Variants in TRAPPC9 observed in about 807,000 individuals in gnomAD.
TRAPPC9 encodes trafficking protein particle complex subunit 9.
TRAPPC9 carries 83 observed loss-of-function variants against 124.0 expected under a neutral mutation model. That is an observed-to-expected ratio of 0.67 (90% CI 0.56 to 0.80). TRAPPC9 has a LOEUF of 0.80. Ranked by LOEUF, TRAPPC9 falls within the 30% of genes least tolerant of loss-of-function variation. The pLI, the probability that TRAPPC9 is intolerant of heterozygous loss-of-function variation, is 0.00. For synonymous variants in TRAPPC9, 638 were observed against 617.5 expected, an observed-to-expected ratio of 1.03 and a Z score of -0.49; for missense variants, 1,302 against 1,508.3, an observed-to-expected ratio of 0.86 and a Z score of 2.27.
chr8:139,932,300 C>T lies in TRAPPC9; in HGVS notation c.2811-22000G>A, dbSNP rs569445291. 2.1e-3 allele frequency: 984 copies of T among 457,712 alleles called. 10 individuals carry two copies. The highest frequency in any genetic ancestry group is 0.015 in the South Asian group (960 of 64,554). The allele number at this position is 457,712 out of a possible 1,614,324, so 28.4% of individuals were successfully genotyped here. A position where few individuals can be genotyped will look rare whatever the true frequency, so the allele number is the denominator to read the frequency against. On this transcript the variant is annotated intron_variant, in intron 19 of 22. Transcript: ENST00000438773. The stretch of plus-strand genomic sequence containing the variant: ...GGGTAGCCACCATGGGAGAATGTCC[C>T]CACCTCGTGGATGTCAGGCTTGGCC...
At chr8:140,410,686 A>G (rs1440625132) in intron 5 of TRAPPC9, among the ~76,000 whole-genome samples, 9 of 152,052 alleles carry the variant, frequency 5.9e-5, no homozygotes, top group Non-Finnish European at 1.2e-4. Flanking sequence ...TACTAAAAAT[A>G]CAAAAAATTA....
At chr8:139,836,081 G>C (rs182051527) in intron 21 of TRAPPC9, among the ~76,000 whole-genome samples, 1 of 151,908 alleles carries the variant, frequency 6.6e-6, no homozygotes, top group African/African-American at 2.4e-5. Context: ...CCATTTCAGC[G>C]CAGCGCAGCC....
At chr8:140,168,393 C>T (rs1219279772) in intron 17 of TRAPPC9, among the ~76,000 whole-genome samples, 1 of 152,152 alleles carries the variant, frequency 6.6e-6, no homozygotes, top group African/African-American at 2.4e-5. Flanking sequence ...AACCCTATAC[C>T]CATTTAGCAG....
At chr8:140,307,472 C>A (rs2066169743) in intron 10 of TRAPPC9, among the ~76,000 whole-genome samples, 1 of 152,140 alleles carries the variant, frequency 6.6e-6, no homozygotes, top group African/African-American at 2.4e-5. Flanking sequence ...ACAAGGTCAC[C>A]TGGGGGCTAC....
chr8:140,103,834 C>G (rs1006645769), intron 17 of TRAPPC9, among the ~76,000 whole-genome samples: 3 of 152,152 alleles, frequency 2.0e-5, no homozygotes, highest in Non-Finnish European at 4.4e-5. Flanking sequence ...AGTTACCCAG[C>G]TAAGAAGAAA....
chr8:140,116,825 G>A (rs1214556603), intron 17 of TRAPPC9, among the ~76,000 whole-genome samples: 1 of 102,746 alleles, frequency 9.7e-6, no homozygotes, highest in East Asian at 2.5e-4. Flanking sequence ...GGCTGAATAG[G>A]CGGAGTTCAG....
intron 16 of TRAPPC9, among the ~76,000 whole-genome samples, chr8:140,226,988 T>C (rs1372346883): frequency 2.6e-5 from 4 of 152,188 alleles, no homozygotes; most frequent in Admixed American, 6.5e-5. Flanking sequence ...CTCCATGGAT[T>C]CTTTATAGAC....
rs2065403849 is a variant in TRAPPC9 at position 140,283,902 on chromosome 8, T to C, written c.2101A>G (p.Thr701Ala). The change falls in exon 14 of 23, where the codon ACC becomes GCC. Residue 701 changes from threonine to alanine, a missense_variant. By Grantham distance (58) the Thr-to-Ala change is moderately conservative. Around this residue, in one of 3 missense-constraint regions of TRAPPC9, gnomAD observed 640 missense variants for 679.3 expected, o/e 0.94. Transcript: ENST00000438773. ...IPALPRLQIS[T>A]SLPRSAHSLQ... ...CGTGCACACTACCTGGGCAGAGAGG[T>C]GCTGATCTGCAGTCTTGGCAACGCG... 3.7e-6 allele frequency: 6 copies of C among 1,612,606 alleles called. No homozygotes were observed. Among genetic ancestry groups the C allele is most frequent in the Non-Finnish European group, 5.1e-6 (6 of 1,179,746 alleles).
At chr8:140,323,372 G>C (rs1051370300) in intron 9 of TRAPPC9, among the ~76,000 whole-genome samples, 2 of 152,134 alleles carry the variant, frequency 1.3e-5, no homozygotes, top group African/African-American at 4.8e-5. Flanking sequence ...TCAAACCCAA[G>C]GAGGAGGCGG....
intron 21 of TRAPPC9, among the ~76,000 whole-genome samples, chr8:139,829,500 C>T (rs1825839717): frequency 6.6e-6 from 1 of 152,218 alleles, no homozygotes; most frequent in African/African-American, 2.4e-5. Context: ...TGCACGCAAA[C>T]ACACGAGTGC....
At position 140,104,408 on chromosome 8, in the gene TRAPPC9, T is replaced by TG. The variant is rs980873882; in HGVS notation, c.2557-80330dup. ...GAATATCATCAGGAATAAAGATGAC[T>TG]GAGACCCTGCGATCTCTGAGATACT... On this transcript the variant is annotated intron_variant, in intron 17 of 22. Transcript: ENST00000438773. This position sits in a 1 kb window ranked among gnomAD's most constrained non-coding sequence, Gnocchi z 4.0. Among the ~76,000 whole-genome samples the TG allele has an allele frequency of 2.0e-5, 3 of 152,150 alleles. No homozygotes were observed. The highest frequency in any genetic ancestry group is 7.2e-5 in the African/African-American group (3 of 41,446).
intron 21 of TRAPPC9, among the ~76,000 whole-genome samples, chr8:139,780,508 C>G (rs546560371): frequency 6.6e-6 from 1 of 152,184 alleles, no homozygotes; most frequent in South Asian, 2.1e-4. Flanking sequence ...AGACTTTATG[C>G]CCTTCACAAA....
At chr8:139,947,304 C>T (rs760312091) in intron 19 of TRAPPC9, among the ~76,000 whole-genome samples, 5 of 152,174 alleles carry the variant, frequency 3.3e-5, no homozygotes, top group Admixed American at 6.5e-5. Context: ...TCTCCATCAA[C>T]GCCACCAAAT....
At chr8:140,170,394 C>G (rs1464671189) in intron 17 of TRAPPC9, among the ~76,000 whole-genome samples, 1 of 152,174 alleles carries the variant, frequency 6.6e-6, no homozygotes, top group Non-Finnish European at 1.5e-5. Context: ...AGCCAATAAG[C>G]AAAAGAGCCC....
chr8:140,075,045 C>A (rs536233146), intron 17 of TRAPPC9, among the ~76,000 whole-genome samples: 64 of 152,112 alleles, frequency 4.2e-4, no homozygotes, highest in Non-Finnish European at 7.1e-4. Context: ...GCCTAGACCT[C>A]CTGCCTCTGA....
intron 21 of TRAPPC9, among the ~76,000 whole-genome samples, chr8:139,850,109 G>A (rs956117983): frequency 3.3e-5 from 5 of 152,138 alleles, no homozygotes; most frequent in African/African-American, 1.2e-4. Flanking sequence ...GTGCTCCCCT[G>A]GGGACTAGAC....
chr8:140,343,719 C>T (rs1231186006), intron 9 of TRAPPC9, among the ~76,000 whole-genome samples: 1 of 152,198 alleles, frequency 6.6e-6, no homozygotes, highest in African/African-American at 2.4e-5. Context: ...GTCCTGGCCT[C>T]CCCGGGGTCC....
At chr8:139,975,144 A>G (rs781558814) in intron 19 of TRAPPC9, among the ~76,000 whole-genome samples, 5 of 152,068 alleles carry the variant, frequency 3.3e-5, no homozygotes, top group Non-Finnish European at 5.9e-5. Flanking sequence ...CTAGAGGCCA[A>G]TGAAAACAAG....
chr8:139,929,915 T>C (rs968807365), intron 19 of TRAPPC9, among the ~76,000 whole-genome samples: 6 of 152,220 alleles, frequency 3.9e-5, no homozygotes, highest in East Asian at 1.9e-4. Context: ...GACCCTTCCA[T>C]GTCCTGTAAA....
Sources: allele counts gnomAD v4.1 joint callset (sites outside exome capture counted in the v4.1 genomes callset), GRCh38; gene constraint gnomAD v4.1.1; regional missense constraint gnomAD v4.1.1; non-coding constraint Gnocchi (gnomAD v3.1); transcripts MANE v1.5; gene names NCBI Gene and HGNC (gene_info 2026-07-23, HGNC 2026-07-21).